Variants in VGLL4 observed in about 807,000 individuals in gnomAD.
The protein encoded by VGLL4 is vestigial like family member 4, also known as transcription cofactor vestigial-like protein 4.
In VGLL4, 7 loss-of-function variants were observed where a neutral mutation model predicts 21.0. The observed-to-expected ratio is 0.33, with a 90% CI of 0.19 to 0.63. The LOEUF is 0.63. Ranked by LOEUF, VGLL4 falls within the 20% of genes least tolerant of loss-of-function variation. The pLI, the probability that VGLL4 is intolerant of heterozygous loss-of-function variation, is 0.78. For synonymous variants in VGLL4, 222 were observed against 173.2 expected (o/e 1.28, Z -2.21); for missense variants, 394 against 425.7 (o/e 0.93, Z 0.66).
chr3:11,719,815 G>A lies in VGLL4; in HGVS notation c.-14+579C>T, dbSNP rs1317893420. On this transcript the variant is annotated intron_variant, in intron 1 of 5. Transcript: ENST00000273038. This position sits in a 1 kb window ranked among gnomAD's most constrained non-coding sequence, Gnocchi z 4.0. ...TCCCTCCCCCGCCAGCTGCGCGCCC[G>A]GTGCCAGCTCGCACCTCCCGGGCCG... 1.3e-5 allele frequency among the ~76,000 whole-genome samples: 2 copies of A among 151,990 alleles called. No homozygotes were observed. Among genetic ancestry groups the A allele is most frequent in the East Asian group, 3.9e-4 (2 of 5,154 alleles).
chr3:11,624,208 C>T (rs1019408275), intron 1 of VGLL4, among the ~76,000 whole-genome samples: 1 of 152,178 alleles, frequency 6.6e-6, no homozygotes, highest in South Asian at 2.1e-4. Context: ...TCCAGGGACC[C>T]CCACGATATG....
chr3:11,619,386 A>C (rs1390816329), intron 1 of VGLL4, among the ~76,000 whole-genome samples: 2 of 152,224 alleles, frequency 1.3e-5, no homozygotes, highest in Non-Finnish European at 2.9e-5. Flanking sequence ...AGTGACATAC[A>C]TCACATCTAC....
At chr3:11,662,428 T>C (rs2076050824) in intron 2 of VGLL4, among the ~76,000 whole-genome samples, 1 of 152,202 alleles carries the variant, frequency 6.6e-6, no homozygotes, top group South Asian at 2.1e-4. Flanking sequence ...GGCAAACAAC[T>C]GAAAAATTAT....
At chr3:11,636,384 A>T (rs183440361) in intron 1 of VGLL4, among the ~76,000 whole-genome samples, 3 of 152,262 alleles carry the variant, frequency 2.0e-5, no homozygotes, top group Non-Finnish European at 4.4e-5. Flanking sequence ...TAAAATAAAA[A>T]TCAAGAGCAA....
chr3:11,672,643 C>G (rs1445290087), intron 2 of VGLL4, among the ~76,000 whole-genome samples: 1 of 152,250 alleles, frequency 6.6e-6, no homozygotes, highest in Non-Finnish European at 1.5e-5. Flanking sequence ...ATAGCAAGGA[C>G]TTTCAAACAG....
rs138439216 is a variant in VGLL4, at chr3:11,566,229, CCACA to C, written c.273-1214_273-1211del. 1.3e-3 allele frequency among the ~76,000 whole-genome samples: 191 copies of C among 151,890 alleles called. 1 individual carries two copies. The highest frequency in any genetic ancestry group is 6.8e-3 in the Middle Eastern group (2 of 294). The stretch of plus-strand genomic sequence containing the variant: ...ACACTGAATGTTACACACACGCACA[CCACA>C]CACACACACGCATGTGATAGGCGTA... On this transcript the variant is annotated intron_variant, in intron 2 of 4. Transcript: ENST00000430365.
chr3:11,604,935 T>C (rs2074896554), intron 1 of VGLL4, among the ~76,000 whole-genome samples: 1 of 143,820 alleles, frequency 7.0e-6, no homozygotes, highest in Admixed American at 7.2e-5. Context: ...TTGGAAACCG[T>C]GAGATTGAAC....
chr3:11,665,414 A>G (rs922136185), intron 2 of VGLL4, among the ~76,000 whole-genome samples: 3 of 152,168 alleles, frequency 2.0e-5, no homozygotes, highest in African/African-American at 7.2e-5. Flanking sequence ...CGCCCGGCCA[A>G]ACATCTTAAT....
intron 2 of VGLL4, among the ~76,000 whole-genome samples, chr3:11,575,760 G>A (rs780459411): frequency 6.6e-6 from 1 of 152,246 alleles, no homozygotes; most frequent in Non-Finnish European, 1.5e-5. Flanking sequence ...GGTTTGGCTA[G>A]AATGAGGCGT....
At chr3:11,581,029 ATTATG>A (rs2074208377) in intron 2 of VGLL4, among the ~76,000 whole-genome samples, 1 of 151,084 alleles carries the variant, frequency 6.6e-6, no homozygotes, top group Non-Finnish European at 1.5e-5. Context: ...TTGCATATAC[ATTATG>A]TTAACAGATC....
At position 11,643,433 on chromosome 3, in the gene VGLL4, C is replaced by G. The variant is rs765543783; in HGVS notation, c.82+4G>C. 6.2e-7 allele frequency: 1 copy of G among 1,614,064 alleles called. No individual in the cohort carries two copies. The highest frequency in any genetic ancestry group is 8.5e-7 in the Non-Finnish European group (1 of 1,179,902). On this transcript the variant is annotated splice_donor_region_variant and intron_variant, in intron 1 of 4. Transcript: ENST00000430365. ...GGGCAGTAATTCTACAACGGGACAT[C>G]TACCTTCGTAGCACAGAATGCCGAT...
intron 1 of VGLL4, among the ~76,000 whole-genome samples, chr3:11,605,642 T>G (rs1308166735): frequency 6.6e-6 from 1 of 152,142 alleles, no homozygotes; most frequent in Non-Finnish European, 1.5e-5. Flanking sequence ...CCTCTGAACA[T>G]CTATAGAAAC....
At chr3:11,563,414 T>G (rs2073205304) in intron 3 of VGLL4, among the ~76,000 whole-genome samples, 1 of 152,214 alleles carries the variant, frequency 6.6e-6, no homozygotes, top group Non-Finnish European at 1.5e-5. Context: ...AGCGGGTCCC[T>G]GTGGGTCGCA....
intron 1 of VGLL4, chr3:11,612,166 TTTAAA>T (rs1240197796): frequency 2.0e-5 from 3 of 152,222 alleles, no homozygotes; most frequent in Non-Finnish European, 2.9e-5. Context: ...CTAAAAATAC[TTTAAA>T]TTAAAACTTG....
intron 2 of VGLL4, among the ~76,000 whole-genome samples, chr3:11,674,423 C>A: frequency 6.6e-6 from 1 of 152,148 alleles, no homozygotes; most frequent in East Asian, 1.9e-4. Flanking sequence ...AGTCACTGTG[C>A]TAAGCAGTGC....
rs1302113024 is a variant in VGLL4 at position 11,564,820 on chromosome 3, G to A, written c.472C>T (p.Leu158=). The change falls in exon 3 of 5, where the codon CTG becomes TTG. Residue 158 remains leucine, a synonymous_variant. Transcript: ENST00000430365. Reference sequence around the variant, plus strand: ...ACCTGCTGCCGCTCCCCCGGGGTCAGTGTGGGCGAGAGGCCGGCTGGCCTG... The same window carrying A: ...ACCTGCTGCCGCTCCCCCGGGGTCAATGTGGGCGAGAGGCCGGCTGGCCTG... ...ASRPAGLSPT[L]TPGERQQNRP... 2 of 1,581,878 alleles carry A rather than the reference G, an allele frequency of 1.3e-6. No homozygotes were observed. The highest frequency in any genetic ancestry group is 1.7e-6 in the Non-Finnish European group (2 of 1,166,096).
Position 11,604,426 on chromosome 3 carries a change from C to A in VGLL4, c.83-2404G>T, listed in dbSNP as rs1167265701. The A allele has an allele frequency of 3.1e-5, 30 of 957,306 alleles. 2 individuals are homozygous for A. The highest frequency in any genetic ancestry group is 3.7e-5 in the Non-Finnish European group (30 of 810,482). 59.3% of individuals were successfully genotyped at this position (957,306 alleles called of 1,614,324 possible). ...ACTGTGCAGCCTCACACAAGGCTTA[C>A]AGCAAAGGAAAAGAATCCGCACATA... On this transcript the variant is annotated intron_variant, in intron 1 of 4. Transcript: ENST00000430365.
At chr3:11,577,610 T>G (rs1290345716) in intron 2 of VGLL4, among the ~76,000 whole-genome samples, 2 of 152,078 alleles carry the variant, frequency 1.3e-5, no homozygotes, top group Non-Finnish European at 2.9e-5. Context: ...AACTGTACAC[T>G]GGAAAGATTG....
intron 1 of VGLL4, among the ~76,000 whole-genome samples, chr3:11,609,312 T>C (rs1166766925): frequency 6.6e-6 from 1 of 152,176 alleles, no homozygotes; most frequent in Non-Finnish European, 1.5e-5. Context: ...AAGAAATACT[T>C]TCCAAACTTT....
Sources: allele counts gnomAD v4.1 joint callset (sites outside exome capture counted in the v4.1 genomes callset), GRCh38; gene constraint gnomAD v4.1.1; non-coding constraint Gnocchi (gnomAD v3.1); transcripts MANE v1.5; gene names NCBI Gene and HGNC (gene_info 2026-07-23, HGNC 2026-07-21).